Variants in COPS8 observed in about 807,000 individuals in gnomAD.
The protein encoded by COPS8 is COP9 signalosome subunit 8.
COPS8 carries 11 observed loss-of-function variants against 31.5 expected under a neutral mutation model. The ratio of observed to expected loss-of-function variants is 0.35; its 90% CI spans 0.22 to 0.58. The LOEUF (loss-of-function observed/expected upper bound fraction) is 0.58. Ranked by LOEUF, COPS8 falls within the 20% of genes least tolerant of loss-of-function variation. COPS8 has a pLI of 0.83. For missense variants in COPS8, 215 were observed against 255.1 expected, an observed-to-expected ratio of 0.84 and a Z score of 1.07; for synonymous variants, 81 against 89.3, an observed-to-expected ratio of 0.91 and a Z score of 0.52.
chr2:237,090,355 G>A (rs923313767), intron 4 of COPS8, among the ~76,000 whole-genome samples: 11 of 152,148 alleles, frequency 7.2e-5, no homozygotes, highest in African/African-American at 2.7e-4. Flanking sequence ...CTCAGCCTTT[G>A]ATAGGTGTTG....
In COPS8 at chr2:237,099,184, A is replaced by C. The variant is rs1448627133; in HGVS notation, c.*1442A>C. ...AGTGAAGATCTCTATACTAAACTGG[A>C]ATGATCTCCAGAGTGAGAACATAGA... On this transcript the variant is annotated 3_prime_UTR_variant, in exon 8 of 8. Coordinates refer to ENST00000354371, the MANE Select transcript of COPS8 (RefSeq NM_006710.5). 6.6e-6 allele frequency: 1 copy of C among 152,076 alleles called. No individual in the cohort carries two copies. 9.4% of individuals were successfully genotyped at this position (152,076 alleles called of 1,614,324 possible). A position where few individuals can be genotyped will look rare whatever the true frequency, so the allele number is the denominator to read the frequency against.
At chr2:237,089,553 T>G (rs1407870673) in intron 3 of COPS8, among the ~76,000 whole-genome samples, 2 of 152,206 alleles carry the variant, frequency 1.3e-5, no homozygotes, top group Non-Finnish European at 2.9e-5. Context: ...AAAACAATCC[T>G]TAAGCTAATT....
Position 237,099,621 on chromosome 2 carries a change from G to T in COPS8, c.*1879G>T, listed in dbSNP as rs1261032984. On this transcript the variant is annotated 3_prime_UTR_variant, in exon 8 of 8. Coordinates refer to ENST00000354371, the MANE Select transcript of COPS8 (RefSeq NM_006710.5). ...CTCATTATATGCTTTATTTTTCTTT[G>T]TAAACAGTAAATATTTCCCACTCCT... 2 of 151,990 alleles carry T rather than the reference G, an allele frequency of 1.3e-5. No individual in the cohort carries two copies. Among genetic ancestry groups the T allele is most frequent in the East Asian group, 3.9e-4 (2 of 5,184 alleles). 9.4% of individuals were successfully genotyped at this position (151,990 alleles called of 1,614,324 possible).
intron 4 of COPS8, among the ~76,000 whole-genome samples, chr2:237,093,425 G>A (rs1696741688): frequency 6.6e-6 from 1 of 152,206 alleles, no homozygotes; most frequent in Admixed American, 6.5e-5. Context: ...AGGCCAGCTG[G>A]TTTCACAGTG....
In COPS8 at chr2:237,100,071, C is replaced by G. The variant is rs1327396317; in HGVS notation, c.*2329C>G. 1.3e-5 allele frequency: 2 copies of G among 152,156 alleles called. No homozygotes were observed. Among genetic ancestry groups the G allele is most frequent in the Non-Finnish European group, 2.9e-5 (2 of 68,036 alleles). 9.4% of individuals were successfully genotyped at this position (152,156 alleles called of 1,614,324 possible). On this transcript the variant is annotated 3_prime_UTR_variant, in exon 8 of 8. Coordinates refer to ENST00000354371, the MANE Select transcript of COPS8 (RefSeq NM_006710.5). ...CTGCCAATCTCTAAAGCAACAAAATCGAACCTGTAGGGTAGTCAAAAAGCT... is the reference window on the plus strand; with the variant it reads ...CTGCCAATCTCTAAAGCAACAAAATGGAACCTGTAGGGTAGTCAAAAAGCT...
chr2:237,092,780 G>A (rs936131089), intron 4 of COPS8, among the ~76,000 whole-genome samples: 25 of 152,318 alleles, frequency 1.6e-4, no homozygotes, highest in African/African-American at 6.0e-4. Flanking sequence ...CAGATGAGGG[G>A]AAGGGATGGG....
At chr2:237,091,591 T>C (rs2106345426) in intron 4 of COPS8, among the ~76,000 whole-genome samples, 1 of 152,382 alleles carries the variant, frequency 6.6e-6, no homozygotes, top group Middle Eastern at 3.4e-3. Flanking sequence ...TAGAAACTTA[T>C]TTTCTAGTTG....
At chr2:237,086,120 G>A (rs1696606566) in intron 1 of COPS8, 78 bp downstream of exon 1, 4 of 1,354,356 alleles carry the variant, frequency 3.0e-6, no homozygotes, top group Non-Finnish European at 4.2e-6. Flanking sequence ...CAGGGTAACG[G>A]GGTCTGAGGC....
chr2:237,087,276 CA>C (rs1218720111), intron 2 of COPS8, 79 bp downstream of exon 2: 1 of 977,346 alleles, frequency 1.0e-6, no homozygotes, highest in African/African-American at 1.6e-5. Context: ...GAAGTAGCAC[CA>C]CTAAACATAG....
intron 5 of COPS8, 112 bp from the exon 6 acceptor site, chr2:237,095,710 G>A (rs1225002447): frequency 4.5e-6 from 3 of 662,094 alleles, no homozygotes; most frequent in Non-Finnish European, 8.3e-6. Flanking sequence ...TGCATATGAC[G>A]GGTTATACTA....
chr2:237,097,691 T>C lies in COPS8; in HGVS notation c.579T>C (p.Asn193=). 3.1e-6 allele frequency: 5 copies of C among 1,613,342 alleles called. No homozygotes were observed. The highest frequency in any genetic ancestry group is 1.1e-5 in the South Asian group (1 of 91,068). The change falls in exon 8 of 8, where the codon AAT becomes AAC. Residue 193 remains asparagine (N), a synonymous_variant. Transcript: ENST00000354371. ...SEPAPVPPIP[N]EQQLARLTDY... ...CTGCTCCAGTTCCCCCAATACCCAA[T>C]GAACAGCAGTTAGCCAGACTGACGG...
intron 1 of COPS8, chr2:237,086,814 G>A (rs1375113083): frequency 3.8e-6 from 3 of 795,838 alleles, no homozygotes; most frequent in African/African-American, 3.7e-5. Context: ...CATTTAAATG[G>A]GAATTTGAGA....
intron 4 of COPS8, chr2:237,093,628 T>C: frequency 3.3e-6 from 3 of 913,850 alleles, no homozygotes; most frequent in South Asian, 1.0e-4. Context: ...CTTGGAAGAA[T>C]GCTCCAGTTA....
At chr2:237,092,564 C>CTTTCCATTGTTGGCTCT (rs1696725613) in intron 4 of COPS8, among the ~76,000 whole-genome samples, 1 of 151,954 alleles carries the variant, frequency 6.6e-6, no homozygotes, top group Non-Finnish European at 1.5e-5. Flanking sequence ...AAAAAGTATA[C>CTTTCCATTGTTGGCTCT]TTTCCATTGT....
rs115238201 is a variant in COPS8, at chr2:237,087,634, G to C, written c.149+437G>C. On this transcript the variant is annotated intron_variant, in intron 2 of 7. Coordinates refer to ENST00000354371, the MANE Select transcript of COPS8 (RefSeq NM_006710.5). ...CACGTTCACATGGAAAAGTCAGAAA[G>C]CATAACTACTCTAGGCCGGGCGCCG... 8.5e-3 allele frequency: 2,054 copies of C among 241,328 alleles called. 47 individuals are homozygous for C. Among genetic ancestry groups the C allele is most frequent in the African/African-American group, 0.045 (1,917 of 42,360 alleles). 14.9% of individuals were successfully genotyped at this position (241,328 alleles called of 1,614,324 possible). A position where few individuals can be genotyped will look rare whatever the true frequency, so the allele number is the denominator to read the frequency against.
chr2:237,093,660 C>G (rs1475954227), intron 4 of COPS8: 2 of 982,876 alleles, frequency 2.0e-6, no homozygotes, highest in African/African-American at 3.5e-5. Context: ...CTGTAACTCC[C>G]AGGTGTGGTC....
At chr2:237,089,274 G>A (rs1696667855) in intron 3 of COPS8, among the ~76,000 whole-genome samples, 1 of 151,944 alleles carries the variant, frequency 6.6e-6, no homozygotes, top group Non-Finnish European at 1.5e-5. Context: ...TCAAGAGATC[G>A]GATTAGTATT....
intron 3 of COPS8, 133 bp downstream of exon 3, chr2:237,088,786 A>G (rs1157677835): frequency 1.1e-5 from 6 of 528,586 alleles, no homozygotes; most frequent in Non-Finnish European, 2.0e-5. Flanking sequence ...GATTCGAAAT[A>G]AATCTTCAGA....
intron 4 of COPS8, among the ~76,000 whole-genome samples, chr2:237,092,862 C>T (rs561121782): frequency 1.3e-5 from 2 of 152,180 alleles, no homozygotes; most frequent in South Asian, 2.1e-4. Flanking sequence ...TTTTGGTCCT[C>T]GTGATGCCAT....
Sources: allele counts gnomAD v4.1 joint callset (sites outside exome capture counted in the v4.1 genomes callset), GRCh38; gene constraint gnomAD v4.1.1; transcripts MANE v1.5; gene names NCBI Gene and HGNC (gene_info 2026-07-23, HGNC 2026-07-21).